ARHGAP6: variants seen among roughly 807,000 people sequenced by gnomAD.
The protein encoded by ARHGAP6 is Rho GTPase activating protein 6, also known as rho GTPase-activating protein 6.
A neutral mutation model predicts 55.7 loss-of-function variants in ARHGAP6; 16 were observed. That is an observed-to-expected ratio of 0.29 (90% CI 0.19 to 0.44). ARHGAP6 has a LOEUF of 0.44. Among genes scored for constraint, ARHGAP6 ranks in the 20% least tolerant of loss-of-function variants. ARHGAP6 has a pLI of 1.00. For synonymous variants in ARHGAP6, 382 were observed against 360.9 expected (o/e 1.06, Z -0.66); for missense variants, 698 against 808.9 (o/e 0.86, Z 1.66).
At chrX:11,493,271 G>C (rs1603231000) in intron 1 of ARHGAP6, among the ~76,000 whole-genome samples, 1 of 111,921 alleles carries the variant, frequency 8.9e-6, no homozygotes, top group African/African-American at 3.2e-5. Flanking sequence ...TATTTCTGGA[G>C]AATCAACAAA....
chrX:11,275,300 C>G (rs929234866), intron 1 of ARHGAP6, among the ~76,000 whole-genome samples: 1 of 111,649 alleles, frequency 9.0e-6, no homozygotes, highest in African/African-American at 3.3e-5. Context: ...GTAAAGGGTA[C>G]GTATGCAAAT....
intron 1 of ARHGAP6, among the ~76,000 whole-genome samples, chrX:11,289,968 G>A (rs748086650): frequency 3.2e-3 from 363 of 112,246 alleles, no homozygotes; most frequent in African/African-American, 0.011. Context: ...CTGGGCGACA[G>A]AGCGAGACTC....
intron 1 of ARHGAP6, among the ~76,000 whole-genome samples, chrX:11,373,252 A>T (rs1219442526): frequency 1.8e-5 from 2 of 110,328 alleles, no homozygotes; most frequent in African/African-American, 6.6e-5. Flanking sequence ...ACAGACCGAC[A>T]AATTCCTGCT....
chrX:11,569,219 A>G (rs1339828853), intron 1 of ARHGAP6, among the ~76,000 whole-genome samples: 1 of 111,227 alleles, frequency 9.0e-6, no homozygotes, highest in Non-Finnish European at 1.9e-5. Flanking sequence ...TCTAGCATCT[A>G]GTGGGTAGAA....
chrX:11,363,849 G>T (rs761142634), intron 1 of ARHGAP6, among the ~76,000 whole-genome samples: 4 of 111,753 alleles, frequency 3.6e-5, no homozygotes, highest in South Asian at 3.7e-4. Flanking sequence ...CCCATTATTG[G>T]GTATATACTC....
chrX:11,507,518 C>T (rs1603235921), intron 1 of ARHGAP6, among the ~76,000 whole-genome samples: 1 of 112,052 alleles, frequency 8.9e-6, no homozygotes. Context: ...ATTTCCAATA[C>T]ACACTTTCAC....
chrX:11,590,869 G>GAAAAGAAAGAAA (rs2051813205), intron 1 of ARHGAP6, among the ~76,000 whole-genome samples: 1 of 24,214 alleles, frequency 4.1e-5, no homozygotes, highest in Admixed American at 5.8e-4. Context: ...AAGAAAAGAA[G>GAAAAGAAAGAAA]GAAAGAAAGA....
intron 10 of ARHGAP6, among the ~76,000 whole-genome samples, chrX:11,150,355 T>G (rs968789435): frequency 9.0e-6 from 1 of 111,390 alleles, no homozygotes; most frequent in Non-Finnish European, 1.9e-5. Flanking sequence ...GCATCCCTTA[T>G]GCGGAACTTA....
intron 10 of ARHGAP6, among the ~76,000 whole-genome samples, chrX:11,146,499 C>T (rs752721699): frequency 8.9e-6 from 1 of 112,545 alleles, no homozygotes; most frequent in Admixed American, 9.3e-5. Context: ...CCCCACCCCC[C>T]AGTGTATCCC....
chrX:11,288,117 C>A (rs1429406096), intron 1 of ARHGAP6, among the ~76,000 whole-genome samples: 1 of 112,711 alleles, frequency 8.9e-6, no homozygotes, highest in Non-Finnish European at 1.9e-5. Flanking sequence ...TTTTCCTTTT[C>A]CATAGGCTTT....
At chrX:11,602,210 TTAA>T (rs1327013678) in intron 1 of ARHGAP6, among the ~76,000 whole-genome samples, 1 of 111,960 alleles carries the variant, frequency 8.9e-6, no homozygotes, top group Non-Finnish European at 1.9e-5. Context: ...ATGACATATC[TTAA>T]TAAAAAAAGC....
chrX:11,600,456 T>C (rs1194441784), intron 1 of ARHGAP6, among the ~76,000 whole-genome samples: 1 of 112,289 alleles, frequency 8.9e-6, no homozygotes, highest in African/African-American at 3.2e-5. Context: ...ACAGATATTA[T>C]TGATGCCTCA....
chrX:11,622,182 A>G (rs575167046), intron 1 of ARHGAP6, among the ~76,000 whole-genome samples: 1 of 112,297 alleles, frequency 8.9e-6, no homozygotes, highest in South Asian at 3.7e-4. Context: ...GGCATAGGAC[A>G]AAGGAAACAA....
chrX:11,359,965 G>A (rs2048987491), intron 1 of ARHGAP6, among the ~76,000 whole-genome samples: 1 of 111,568 alleles, frequency 9.0e-6, no homozygotes, highest in African/African-American at 3.3e-5. Context: ...GGAAGAAGTT[G>A]AATCTCTGAA....
chrX:11,341,772 T>C (rs1043572946), intron 1 of ARHGAP6, among the ~76,000 whole-genome samples: 14 of 112,143 alleles, frequency 1.2e-4, no homozygotes, highest in South Asian at 3.7e-4. Context: ...TACGGGCTGA[T>C]AAATTGCTGT....
chrX:11,272,749 A>C (rs2047707318), intron 1 of ARHGAP6, among the ~76,000 whole-genome samples: 1 of 112,203 alleles, frequency 8.9e-6, no homozygotes, highest in Non-Finnish European at 1.9e-5. Context: ...GGCTTGATCC[A>C]GATGTCACTT....
chrX:11,624,303 A>T (rs1223854010), intron 1 of ARHGAP6, among the ~76,000 whole-genome samples: 1 of 112,723 alleles, frequency 8.9e-6, no homozygotes, highest in Non-Finnish European at 1.9e-5. Context: ...ATGCTTCAGG[A>T]CACTGGTCTG....
intron 1 of ARHGAP6, among the ~76,000 whole-genome samples, chrX:11,560,539 C>T (rs1404322488): frequency 8.9e-6 from 1 of 112,136 alleles, no homozygotes; most frequent in African/African-American, 3.2e-5. Flanking sequence ...TCATGCAAAA[C>T]CAAACGGCTT....
intron 1 of ARHGAP6, among the ~76,000 whole-genome samples, chrX:11,342,617 G>A (rs184231042): frequency 1.7e-3 from 190 of 112,028 alleles, no homozygotes; most frequent in Non-Finnish European, 3.0e-3. Flanking sequence ...ACTATCAAGG[G>A]ATTCAGATGA....
Sources: gnomAD v4.1 joint callset for allele counts (sites outside exome capture counted in the v4.1 genomes callset) on GRCh38, gnomAD v4.1.1 for gene constraint, MANE v1.5 for transcripts, NCBI Gene and HGNC (gene_info 2026-07-23, HGNC 2026-07-21) for gene names.